YTHDF2: variants seen among roughly 807,000 people sequenced by gnomAD.
YTHDF2 encodes the protein YTH domain-containing family protein 2.
A neutral mutation model predicts 50.4 loss-of-function variants in YTHDF2; 2 were observed. The observed-to-expected ratio is 0.04, with a 90% CI of 0.02 to 0.12. YTHDF2 has a LOEUF of 0.12. YTHDF2 is among the 10% of genes least tolerant of loss of function. YTHDF2 has a pLI of 1.00. For synonymous variants in YTHDF2, 217 were observed against 255.6 expected (o/e 0.85, Z 1.44); for missense variants, 483 against 722.6 (o/e 0.67, Z 3.80).
intron 2 of YTHDF2, 44 bp downstream of exon 2, chr1:28,737,726 C>T: frequency 1.4e-6 from 2 of 1,479,774 alleles, no homozygotes; most frequent in South Asian, 2.3e-5. Flanking sequence ...GAGGGGGACG[C>T]GGGGCGGTGG....
intron 4 of YTHDF2, among the ~76,000 whole-genome samples, chr1:28,767,666 G>A (rs1312529544): frequency 2.0e-5 from 3 of 151,696 alleles, no homozygotes; most frequent in Non-Finnish European, 2.9e-5. Context: ...CTACCACCAC[G>A]CCTGGCTAAT....
intron 4 of YTHDF2, among the ~76,000 whole-genome samples, chr1:28,752,296 T>TTTG (rs56879000): frequency 0.61 from 92,435 of 151,326 alleles, 29,587 homozygotes; most frequent in African/African-American, 0.78. Flanking sequence ...CTGTGGTGTT[T>TTTG]TTGTTGTTGT....
chr1:28,752,061 T>G (rs1479065867), intron 4 of YTHDF2, among the ~76,000 whole-genome samples: 1 of 152,242 alleles, frequency 6.6e-6, no homozygotes, highest in Non-Finnish European at 1.5e-5. Context: ...TAGTAAGTGT[T>G]GGAGTTGGTC....
At chr1:28,737,324 C>G in intron 1 of YTHDF2, 177 bp downstream of exon 1, 1 of 814,846 alleles carries the variant, frequency 1.2e-6, no homozygotes, top group Non-Finnish European at 1.8e-6. Context: ...CTGTTCTTCC[C>G]GCTTCTCCTC....
chr1:28,737,541 C>A (rs1028278929), intron 1 of YTHDF2, 117 bp from the exon 2 acceptor site: 23 of 1,381,772 alleles, frequency 1.7e-5, no homozygotes, highest in Non-Finnish European at 2.2e-5. Context: ...CCATTCCTGA[C>A]GCCTCCCCTC....
intron 4 of YTHDF2, among the ~76,000 whole-genome samples, chr1:28,760,264 TAGTA>T (rs1192489070): frequency 5.5e-5 from 8 of 146,296 alleles, no homozygotes. Context: ...GCCAATAACA[TAGTA>T]GGTTGTGTGT....
intron 4 of YTHDF2, among the ~76,000 whole-genome samples, chr1:28,747,664 C>T (rs546276907): frequency 2.7e-4 from 41 of 149,440 alleles, no homozygotes; most frequent in African/African-American, 9.3e-4. Context: ...GTGATCCTCC[C>T]GCCTCTCCCT....
Position 28,740,636 on chromosome 1 carries a change from C to A in YTHDF2, c.133-1767C>A, listed in dbSNP as rs1192337930. ...GGGTCTGCTAAAATTTTTAACCTTA[C>A]CTTTGTGAGAAATTTTAAATGTGAA... On this transcript the variant is annotated intron_variant, in intron 3 of 4. Coordinates refer to ENST00000373812, the MANE Select transcript of YTHDF2 (RefSeq NM_016258.3). 3.3e-5 allele frequency among the ~76,000 whole-genome samples: 5 copies of A among 152,192 alleles called. No homozygotes were observed. The East Asian group carries it at 5.8e-4, about 18-fold the overall frequency.
intron 4 of YTHDF2, among the ~76,000 whole-genome samples, chr1:28,759,494 C>T (rs1483464301): frequency 6.6e-6 from 1 of 152,240 alleles, no homozygotes; most frequent in East Asian, 1.9e-4. Context: ...CTTACACAAA[C>T]CTAGATGGTA....
chr1:28,766,239 A>T (rs2088213623), intron 4 of YTHDF2, among the ~76,000 whole-genome samples: 1 of 149,904 alleles, frequency 6.7e-6, no homozygotes, highest in African/African-American at 2.5e-5. Context: ...CTACAGGTGC[A>T]TGCCACCACA....
intron 4 of YTHDF2, among the ~76,000 whole-genome samples, chr1:28,759,392 A>G (rs1252474626): frequency 6.6e-6 from 1 of 152,306 alleles, no homozygotes; most frequent in East Asian, 1.9e-4. Flanking sequence ...GTTAATAGGA[A>G]GATTTAGATA....
In YTHDF2 at chr1:28,769,644, G is replaced by A. The variant is rs1398250177; in HGVS notation, c.*692G>A. On this transcript the variant is annotated 3_prime_UTR_variant, in exon 5 of 5. Coordinates refer to ENST00000373812, the MANE Select transcript of YTHDF2 (RefSeq NM_016258.3). ...AAACTCGTTTACAGAAATGCATTTT[G>A]GAAGAGAAAAATACTGTAAAACGTG... 1.3e-5 allele frequency: 2 copies of A among 152,590 alleles called. No individual in the cohort carries two copies. The highest frequency in any genetic ancestry group is 4.8e-5 in the African/African-American group (2 of 41,422). 9.5% of individuals were successfully genotyped at this position (152,590 alleles called of 1,614,324 possible).
At chr1:28,737,522 TC>T (rs2087712532) in intron 1 of YTHDF2, 135 bp from the exon 2 acceptor site, 1 of 1,217,716 alleles carries the variant, frequency 8.2e-7, no homozygotes, top group African/African-American at 1.5e-5. Context: ...TTCAGCCTCT[TC>T]CTCACTACCA....
At chr1:28,757,639 A>T (rs688809) in intron 4 of YTHDF2, among the ~76,000 whole-genome samples, 92,581 of 152,108 alleles carry the variant, frequency 0.61, 29,274 homozygotes, top group African/African-American at 0.74. Flanking sequence ...AAGCGTTTGC[A>T]TGTAAAAATC....
At chr1:28,764,834 G>T (rs963745366) in intron 4 of YTHDF2, among the ~76,000 whole-genome samples, 1 of 152,084 alleles carries the variant, frequency 6.6e-6, no homozygotes, top group Admixed American at 6.6e-5. Flanking sequence ...GTGATCCACC[G>T]TGCCAGGCCT....
Position 28,737,386 on chromosome 1 carries a change from G to T in YTHDF2, c.27+239G>T. 4.8e-6 allele frequency: 3 copies of T among 629,840 alleles called. No homozygotes were observed. In the South Asian group the frequency reaches 6.5e-5, roughly 14 times the overall value. 39.0% of individuals were successfully genotyped at this position (629,840 alleles called of 1,614,324 possible). ...GCGCCGCGTTCCCTTCTCTCGGCGG[G>T]CCTCGTTTTCCTTCCTTGTTTCCTT... On this transcript the variant is annotated intron_variant, in intron 1 of 4. Transcript: ENST00000373812.
In YTHDF2 at chr1:28,736,975, C is replaced by T; in HGVS notation, c.-146C>T. On this transcript the variant is annotated 5_prime_UTR_variant, in exon 1 of 5. Transcript: ENST00000373812. ...CGAGTCGGAGCCGGAGCCTGAGCCG[C>T]GCGCTGTGTCTCCGCTGCGTCCGCC... The T allele has an allele frequency of 3.0e-6, 3 of 1,002,182 alleles. No homozygotes were observed. The highest frequency in any genetic ancestry group is 4.4e-6 in the Non-Finnish European group (3 of 687,844). The allele number at this position is 1,002,182 out of a possible 1,614,324, so 62.1% of individuals were successfully genotyped here. A position where few individuals can be genotyped will look rare whatever the true frequency, so the allele number is the denominator to read the frequency against.
chr1:28,737,597 C>T (rs749799515), intron 1 of YTHDF2, 61 bp from the exon 2 acceptor site: 13 of 1,611,706 alleles, frequency 8.1e-6, no homozygotes, highest in South Asian at 2.2e-5. Flanking sequence ...TTAATTTGTT[C>T]TTCCTTTTCC....
chr1:28,761,131 ATTTTT>A (rs56876999), intron 4 of YTHDF2, among the ~76,000 whole-genome samples: 5 of 91,440 alleles, frequency 5.5e-5, no homozygotes, highest in South Asian at 3.4e-4. Flanking sequence ...GTGTGTGTGT[ATTTTT>A]TTTTTTTTTT....
Sources: allele counts gnomAD v4.1 joint callset (sites outside exome capture counted in the v4.1 genomes callset), GRCh38; gene constraint gnomAD v4.1.1; transcripts MANE v1.5; gene names NCBI Gene and HGNC (gene_info 2026-07-23, HGNC 2026-07-21).